CSNK1G1: variants seen among roughly 807,000 people sequenced by gnomAD.
The protein encoded by CSNK1G1 is casein kinase 1 gamma 1, also known as casein kinase I isoform gamma-1.
CSNK1G1 carries 22 observed loss-of-function variants against 59.6 expected under a neutral mutation model. The observed-to-expected ratio is 0.37, with a 90% CI of 0.26 to 0.53. The LOEUF is 0.53. Ranked by LOEUF, CSNK1G1 falls within the 20% of genes least tolerant of loss-of-function variation. The pLI is 0.89. For missense variants in CSNK1G1, 384 were observed against 519.5 expected, an observed-to-expected ratio of 0.74 and a Z score of 2.54; for synonymous variants, 179 against 177.1, an observed-to-expected ratio of 1.01 and a Z score of -0.08.
chr15:64,276,103 C>G (rs1169310076), intron 2 of CSNK1G1, among the ~76,000 whole-genome samples: 1 of 152,110 alleles, frequency 6.6e-6, no homozygotes, highest in Non-Finnish European at 1.5e-5. Flanking sequence ...AGGTAAAAGG[C>G]AGCCAGGGCC....
chr15:64,240,956 A>C (rs1169952874), intron 4 of CSNK1G1, among the ~76,000 whole-genome samples: 1 of 152,204 alleles, frequency 6.6e-6, no homozygotes, highest in Admixed American at 6.5e-5. Context: ...GTAAGAGAGG[A>C]ATAAAGAATA....
At chr15:64,295,324 A>G (rs1894963832) in intron 2 of CSNK1G1, among the ~76,000 whole-genome samples, 1 of 152,206 alleles carries the variant, frequency 6.6e-6, no homozygotes, top group African/African-American at 2.4e-5. Context: ...TTTTCACAAA[A>G]AAATTTGCAG....
intron 3 of CSNK1G1, among the ~76,000 whole-genome samples, chr15:64,254,146 A>C (rs1469063590): frequency 6.6e-6 from 1 of 152,070 alleles, no homozygotes; most frequent in African/African-American, 2.4e-5. Flanking sequence ...TCTCCAAAAA[A>C]ACAAACAATA....
chr15:64,174,633 C>T (rs2081719455), intron 11 of CSNK1G1, among the ~76,000 whole-genome samples: 1 of 152,188 alleles, frequency 6.6e-6, no homozygotes, highest in South Asian at 2.1e-4. Context: ...TCTCAACATG[C>T]TGGAGTCAAA....
intron 1 of CSNK1G1, among the ~76,000 whole-genome samples, chr15:64,318,165 C>CATAT (rs142637857): frequency 8.6e-5 from 13 of 150,772 alleles, no homozygotes; most frequent in African/African-American, 2.9e-4. Context: ...AAAAATTAAT[C>CATAT]ATATATATAT....
Position 64,300,329 on chromosome 15 carries a change from C to T in CSNK1G1, c.171G>A (p.Glu57=), listed in dbSNP as rs564680696. 2.0e-5 allele frequency: 32 copies of T among 1,614,072 alleles called. No homozygotes were observed. In the South Asian group the frequency reaches 3.2e-4, roughly 16 times the overall value. ...TAACCAAGTGCTTACCTAATCTGAGCTCTCCGAAGTTCCCACATCCTATCT... is the reference window on the plus strand; with the variant it reads ...TAACCAAGTGCTTACCTAATCTGAGTTCTCCGAAGTTCCCACATCCTATCT... ...GKKIGCGNFG[E]LRLGKNLYTN... The change falls in exon 2 of 12, where the codon GAG becomes GAA. Residue 57 remains glutamate, a synonymous_variant. Coordinates refer to ENST00000303052, the MANE Select transcript of CSNK1G1 (RefSeq NM_022048.5).
At chr15:64,332,059 C>T (rs1431754912) in intron 1 of CSNK1G1, among the ~76,000 whole-genome samples, 2 of 148,774 alleles carry the variant, frequency 1.3e-5, no homozygotes, top group African/African-American at 5.0e-5. Context: ...AATAGGAACA[C>T]TTTTACACTG....
intron 1 of CSNK1G1, among the ~76,000 whole-genome samples, chr15:64,327,435 G>A (rs1443335714): frequency 2.7e-5 from 4 of 150,528 alleles, no homozygotes; most frequent in African/African-American, 7.4e-5. Context: ...ACACTGCAGG[G>A]TATTCCAACA....
chr15:64,189,249 C>T (rs2081938884), intron 10 of CSNK1G1: 3 of 732,896 alleles, frequency 4.1e-6, no homozygotes, highest in Non-Finnish European at 5.1e-6. Flanking sequence ...GAATTATTTT[C>T]TTCTGGAAAG....
intron 10 of CSNK1G1, among the ~76,000 whole-genome samples, chr15:64,202,064 T>C (rs922899215): frequency 2.2e-4 from 33 of 152,214 alleles, no homozygotes; most frequent in African/African-American, 7.5e-4. Flanking sequence ...GGTGTGTGTT[T>C]GCCTTATCTG....
intron 2 of CSNK1G1, among the ~76,000 whole-genome samples, chr15:64,288,359 G>A (rs977164925): frequency 2.0e-5 from 3 of 152,016 alleles, no homozygotes; most frequent in African/African-American, 4.8e-5. Context: ...TGGCATCTGT[G>A]AGACAATCAA....
In CSNK1G1 at chr15:64,224,403, A is replaced by G. The variant is rs184166825; in HGVS notation, c.293-7690T>C. On this transcript the variant is annotated intron_variant, in intron 4 of 11. Coordinates refer to ENST00000303052, the MANE Select transcript of CSNK1G1 (RefSeq NM_022048.5). ...GAAATAGGCAGATAAATGAGATGTT[A>G]TTCCATTGTAAGTAACGAAAGGGAA... Among the ~76,000 whole-genome samples the G allele has an allele frequency of 6.1e-3, 922 of 152,306 alleles. 14 individuals are homozygous for G. The highest frequency in any genetic ancestry group is 6.0e-3 in the Non-Finnish European group (405 of 68,018).
intron 1 of CSNK1G1, among the ~76,000 whole-genome samples, chr15:64,324,524 C>G (rs1896738189): frequency 6.6e-6 from 1 of 152,246 alleles, no homozygotes; most frequent in South Asian, 2.1e-4. Context: ...GTCTCTTGGA[C>G]TTACACCAGT....
intron 1 of CSNK1G1, among the ~76,000 whole-genome samples, chr15:64,323,537 G>A (rs1834380991): frequency 6.6e-6 from 1 of 151,684 alleles, no homozygotes; most frequent in African/African-American, 2.4e-5. Flanking sequence ...AGCTAATTTT[G>A]TATTTTTAGT....
chr15:64,302,312 G>A (rs1290481319), intron 1 of CSNK1G1, among the ~76,000 whole-genome samples: 4 of 151,968 alleles, frequency 2.6e-5, no homozygotes, highest in East Asian at 1.9e-4. Context: ...TGTTGGCCAG[G>A]CTGGTCTCGA....
chr15:64,299,004 C>A (rs191579653), intron 2 of CSNK1G1, among the ~76,000 whole-genome samples: 4 of 152,248 alleles, frequency 2.6e-5, no homozygotes, highest in Non-Finnish European at 5.9e-5. Flanking sequence ...CGCACCACTG[C>A]ACTCCAGCCT....
At chr15:64,270,603 CA>C (rs1314945424) in intron 2 of CSNK1G1, among the ~76,000 whole-genome samples, 2 of 151,728 alleles carry the variant, frequency 1.3e-5, no homozygotes, top group African/African-American at 4.8e-5. Context: ...ACTAAAAATA[CA>C]AAAAAATTAG....
At chr15:64,208,654 T>C (rs1277660823) in intron 6 of CSNK1G1, among the ~76,000 whole-genome samples, 1 of 152,126 alleles carries the variant, frequency 6.6e-6, no homozygotes, top group Admixed American at 6.6e-5. Flanking sequence ...CTGCCTCAGC[T>C]GAGTAGCTAG....
chr15:64,286,424 G>C (rs1411353502), intron 2 of CSNK1G1, among the ~76,000 whole-genome samples: 2 of 143,708 alleles, frequency 1.4e-5, no homozygotes, highest in Non-Finnish European at 3.1e-5. Flanking sequence ...TTAACTTCTA[G>C]TTTCACAGTA....
Sources: gnomAD v4.1 joint callset for allele counts (sites outside exome capture counted in the v4.1 genomes callset) on GRCh38, gnomAD v4.1.1 for gene constraint, MANE v1.5 for transcripts, NCBI Gene and HGNC (gene_info 2026-07-23, HGNC 2026-07-21) for gene names.